The following CASTOR2 variants were observed in gnomAD, a reference collection of about 807,000 sequenced individuals.
The protein encoded by CASTOR2 is cytosolic arginine sensor for mTORC1 subunit 2.
CASTOR2 carries 8 observed loss-of-function variants against 31.2 expected under a neutral mutation model. The observed-to-expected ratio is 0.26, with a 90% CI of 0.15 to 0.46. CASTOR2 has a LOEUF of 0.46. Among genes scored for constraint, CASTOR2 ranks in the 20% least tolerant of loss-of-function variants. The pLI is 0.99. For missense variants in CASTOR2, 216 were observed against 382.1 expected (o/e 0.57, Z 3.62); for synonymous variants, 162 against 158.7 (o/e 1.02, Z -0.16).
rs1241502251 is a variant in CASTOR2 at position 74,974,430 on chromosome 7, G to C, written c.113+9332G>C. Among the ~76,000 whole-genome samples, 298 of 149,602 alleles carry C rather than the reference G, an allele frequency of 2.0e-3. 3 individuals carry two copies. The highest frequency in any genetic ancestry group is 0.011 in the South Asian group (50 of 4,626). ...AAGGTAGAGGGTGAGAGGACCAGAGGCCCACACAGGGGGCATGGCTGGGAG... is the reference window on the plus strand; with the variant it reads ...AAGGTAGAGGGTGAGAGGACCAGAGCCCCACACAGGGGGCATGGCTGGGAG... On this transcript the variant is annotated intron_variant, in intron 1 of 8. Transcript: ENST00000616305.
At chr7:74,998,306 G>T (rs1369206024) in intron 1 of CASTOR2, among the ~76,000 whole-genome samples, 1 of 152,138 alleles carries the variant, frequency 6.6e-6, no homozygotes, top group Non-Finnish European at 1.5e-5. Flanking sequence ...TCTCTTGCTC[G>T]CAAAGACAGA....
At chr7:74,996,590 A>G (rs1804352077) in intron 1 of CASTOR2, among the ~76,000 whole-genome samples, 1 of 151,674 alleles carries the variant, frequency 6.6e-6, no homozygotes. Flanking sequence ...GGTGTAAGGA[A>G]CACAGAAGGT....
chr7:74,983,585 G>A (rs1554436462), intron 1 of CASTOR2, among the ~76,000 whole-genome samples: 1 of 151,500 alleles, frequency 6.6e-6, no homozygotes, highest in African/African-American at 2.4e-5. Flanking sequence ...AGAGTGTGGG[G>A]TTGGCTGTGA....
chr7:75,018,320 A>G (rs1231061336), intron 4 of CASTOR2, among the ~76,000 whole-genome samples, 198 bp downstream of exon 4: 1 of 152,134 alleles, frequency 6.6e-6, no homozygotes, highest in African/African-American at 2.4e-5. Context: ...CAGGCAATTC[A>G]CCTGAGGTCA....
chr7:74,997,726 C>A (rs1474180708), intron 1 of CASTOR2, among the ~76,000 whole-genome samples: 6 of 151,880 alleles, frequency 4.0e-5, no homozygotes, highest in Non-Finnish European at 1.5e-5. Context: ...TGTGCCTGAC[C>A]AGGTGTTTTT....
chr7:75,021,416 C>T (rs1804998315), intron 6 of CASTOR2, among the ~76,000 whole-genome samples: 1 of 152,174 alleles, frequency 6.6e-6, no homozygotes, highest in Admixed American at 6.5e-5. Flanking sequence ...TGTGAGCCAC[C>T]ACGCCCTGCC....
At position 75,029,738 on chromosome 7, in the gene CASTOR2, G is replaced by A. The variant is rs1805249279; in HGVS notation, c.*5039G>A. On this transcript the variant is annotated 3_prime_UTR_variant, in exon 9 of 9. Transcript: ENST00000616305. ...TTCTAGTCCGCTCCGAGCAGGGCCTGGAGCATTGGAGACATTGGTTAGTGT... is the reference window on the plus strand; with the variant it reads ...TTCTAGTCCGCTCCGAGCAGGGCCTAGAGCATTGGAGACATTGGTTAGTGT... Among the ~76,000 whole-genome samples the A allele has an allele frequency of 6.6e-6, 1 of 152,218 alleles. No individual in the cohort carries two copies.
At chr7:75,017,944 C>G (rs1804904140) in intron 3 of CASTOR2, 46 bp from the exon 4 acceptor site, 7 of 1,614,034 alleles carry the variant, frequency 4.3e-6, no homozygotes, top group Non-Finnish European at 5.9e-6. Flanking sequence ...AGACCCACAT[C>G]CCCCAGGGCC....
rs1805241173 is a variant in CASTOR2, at chr7:75,029,552, C to T, written c.*4853C>T. On this transcript the variant is annotated 3_prime_UTR_variant, in exon 9 of 9. Transcript: ENST00000616305. ...AGAGACAGGGTTTCACTATGTTGGC[C>T]AGGCTGTTCTTGAACTCCTGACCTC... Among the ~76,000 whole-genome samples the T allele has an allele frequency of 6.6e-6, 1 of 152,050 alleles. No homozygotes were observed. Among genetic ancestry groups the T allele is most frequent in the South Asian group, 2.1e-4 (1 of 4,818 alleles).
At chr7:75,005,275 A>G (rs1232160748) in intron 1 of CASTOR2, among the ~76,000 whole-genome samples, 19 of 152,180 alleles carry the variant, frequency 1.2e-4, no homozygotes, top group African/African-American at 4.6e-4. Flanking sequence ...CCGTCCCCTG[A>G]TAACTGCTAA....
chr7:74,984,676 C>T (rs1804022178), intron 1 of CASTOR2, among the ~76,000 whole-genome samples: 2 of 152,154 alleles, frequency 1.3e-5, no homozygotes, highest in African/African-American at 4.8e-5. Context: ...TTCCTATGGG[C>T]CAGGCCCACC....
intron 1 of CASTOR2, among the ~76,000 whole-genome samples, chr7:74,977,773 C>T (rs1251183000): frequency 6.6e-6 from 1 of 150,444 alleles, no homozygotes; most frequent in Non-Finnish European, 1.5e-5. Context: ...ATTTCTCAGG[C>T]TCCAGCAATC....
rs1213698553 is a variant in CASTOR2, at chr7:75,008,185, C to T, written c.184+121C>T. The T allele has an allele frequency of 2.5e-5, 31 of 1,255,660 alleles. No homozygotes were observed. The East Asian group carries it at 3.2e-4, about 13-fold the overall frequency. The allele number at this position is 1,255,660 out of a possible 1,614,324, so 77.8% of individuals were successfully genotyped here. On this transcript the variant is annotated intron_variant, in intron 2 of 8. Coordinates refer to ENST00000616305, the MANE Select transcript of CASTOR2 (RefSeq NM_001145064.3). ...ATTTCTGCCCCCACCTACCTCCTTA[C>T]TTCTGCCCTCATCTGCTGGTCAGCT...
intron 1 of CASTOR2, among the ~76,000 whole-genome samples, chr7:75,000,145 G>C (rs35586302): frequency 0.11 from 16,168 of 152,258 alleles, 946 homozygotes; most frequent in Middle Eastern, 0.28. Flanking sequence ...AGGATCGCTT[G>C]AGCCCAGGAG....
chr7:75,019,384 T>G (rs1804940716), intron 5 of CASTOR2, among the ~76,000 whole-genome samples: 1 of 146,206 alleles, frequency 6.8e-6, no homozygotes, highest in African/African-American at 2.6e-5. Context: ...CTAGTCTGAG[T>G]GGGGAGACAC....
In CASTOR2 at chr7:74,977,386, G is replaced by A. The variant is rs1474227383; in HGVS notation, c.113+12288G>A. 1.3e-4 allele frequency among the ~76,000 whole-genome samples: 20 copies of A among 150,014 alleles called. 1 individual carries two copies. The highest frequency in any genetic ancestry group is 2.1e-4 in the South Asian group (1 of 4,676). ...GTGCTAAATTGAAACTTTTTGAAAA[G>A]CATTTTTTTTTTGAGATGGAGTCTG... is the stretch of plus-strand genomic sequence containing the variant. On this transcript the variant is annotated intron_variant, in intron 1 of 8. Transcript: ENST00000616305.
Position 75,021,612 on chromosome 7 carries a change from C to A in CASTOR2, c.747-262C>A, listed in dbSNP as rs935794652. 4.6e-5 allele frequency among the ~76,000 whole-genome samples: 7 copies of A among 152,176 alleles called. No individual in the cohort carries two copies. In the East Asian group the frequency reaches 1.3e-3, roughly 29 times the overall value. On this transcript the variant is annotated intron_variant, in intron 6 of 8. Transcript: ENST00000616305. ...TGGACCTGGGAAGAGGTGTCTAGACCAGCCTTAGCAAGGGTTTGGGGAGGG... is the reference window on the plus strand; with the variant it reads ...TGGACCTGGGAAGAGGTGTCTAGACAAGCCTTAGCAAGGGTTTGGGGAGGG...
intron 1 of CASTOR2, among the ~76,000 whole-genome samples, chr7:75,001,140 A>G (rs1402068970): frequency 1.3e-5 from 2 of 152,176 alleles, no homozygotes; most frequent in Non-Finnish European, 2.9e-5. Flanking sequence ...GCAGTGGTGC[A>G]ATCACGGCTC....
At chr7:75,017,921 A>C (rs1804903637) in intron 3 of CASTOR2, 69 bp from the exon 4 acceptor site, 1 of 1,613,704 alleles carries the variant, frequency 6.2e-7, no homozygotes, top group Admixed American at 1.7e-5. Flanking sequence ...TCAGGGTGAG[A>C]GGTCGGTGCC....
Sources: gnomAD v4.1 joint callset for allele counts (sites outside exome capture counted in the v4.1 genomes callset) on GRCh38, gnomAD v4.1.1 for gene constraint, MANE v1.5 for transcripts, NCBI Gene and HGNC (gene_info 2026-07-23, HGNC 2026-07-21) for gene names.